MSRB3: variants seen among roughly 807,000 people sequenced by gnomAD.
The protein encoded by MSRB3 is methionine sulfoxide reductase B3.
A neutral mutation model predicts 21.0 loss-of-function variants in MSRB3; 13 were observed. The observed-to-expected ratio is 0.62, with a 90% confidence interval of 0.40 to 0.98. MSRB3 has a LOEUF of 0.98. Among genes scored for constraint, MSRB3 ranks in the 50% least tolerant of loss-of-function variants. The probability of loss-of-function intolerance (pLI) is 0.00; values close to 1 mark genes in which losing one functional copy is unlikely to be tolerated. For missense variants in MSRB3, 199 were observed against 230.3 expected (o/e 0.86, Z 0.88); for synonymous variants, 87 against 88.6 (o/e 0.98, Z 0.10).
At chr12:65,302,739 C>T (rs911096302) in intron 1 of MSRB3, among the ~76,000 whole-genome samples, 11 of 152,234 alleles carry the variant, frequency 7.2e-5, no homozygotes, top group African/African-American at 2.6e-4. Flanking sequence ...GATCAATTCA[C>T]TCAACAAACG....
intron 4 of MSRB3, among the ~76,000 whole-genome samples, chr12:65,339,470 G>A (rs1875999530): frequency 6.6e-6 from 1 of 152,186 alleles, no homozygotes; most frequent in South Asian, 2.1e-4. Context: ...TTTCTGTGGT[G>A]CAGATACTTC....
chr12:65,349,626 T>C (rs1433154887), intron 4 of MSRB3, among the ~76,000 whole-genome samples: 15 of 147,544 alleles, frequency 1.0e-4, no homozygotes, highest in South Asian at 2.1e-4. Context: ...TGGTATCTCA[T>C]TGTGGTTTTG....
chr12:65,418,801 A>C, intron 5 of MSRB3: 1 of 942,294 alleles, frequency 1.1e-6, no homozygotes, highest in Non-Finnish European at 1.7e-6. Flanking sequence ...GGTCTTTTGG[A>C]TGGTTTGCAT....
At chr12:65,328,479 G>T (rs1369081941) in intron 3 of MSRB3, 47 bp from the exon 4 acceptor site, 1 of 1,331,286 alleles carries the variant, frequency 7.5e-7, no homozygotes, top group Admixed American at 1.7e-5. Context: ...CATTCTGTAA[G>T]AAATAATGCT....
intron 4 of MSRB3, among the ~76,000 whole-genome samples, chr12:65,352,921 A>G (rs532309090): frequency 8.5e-5 from 13 of 152,124 alleles, no homozygotes; most frequent in African/African-American, 2.4e-4. Flanking sequence ...TGCCATCCCC[A>G]TAAAGCTACC....
rs181748557 is a variant in MSRB3, at chr12:65,363,182, A to G, written c.264-5816A>G. The stretch of plus-strand genomic sequence containing the variant: ...CCTCACTTCTCTGACACCTTCTGCA[A>G]TGCTAATTTCTGTACTTGATACTTA... On this transcript the variant is annotated intron_variant, in intron 4 of 6. Coordinates refer to ENST00000308259, the MANE Select transcript of MSRB3 (RefSeq NM_001031679.3). Among the ~76,000 whole-genome samples the G allele has an allele frequency of 5.9e-5, 9 of 152,336 alleles. No individual in the cohort carries two copies. In the East Asian group the frequency reaches 1.5e-3, roughly 26 times the overall value.
At chr12:65,325,767 A>G (rs1874983767) in intron 2 of MSRB3, among the ~76,000 whole-genome samples, 1 of 152,180 alleles carries the variant, frequency 6.6e-6, no homozygotes, top group African/African-American at 2.4e-5. Context: ...TACATTTAGG[A>G]CCATCTGCAG....
At chr12:65,357,276 C>T (rs998199621) in intron 4 of MSRB3, among the ~76,000 whole-genome samples, 1 of 151,902 alleles carries the variant, frequency 6.6e-6, no homozygotes, top group Admixed American at 6.6e-5. Context: ...GAGTCTGACT[C>T]CTCTTCATAT....
chr12:65,420,916 T>G (rs971271826), intron 5 of MSRB3, among the ~76,000 whole-genome samples: 2 of 152,212 alleles, frequency 1.3e-5, no homozygotes, highest in Non-Finnish European at 2.9e-5. Context: ...TTGTGAATAG[T>G]GCTGCAGTGA....
rs376019198 is a variant in MSRB3, at chr12:65,466,562, G to A, written c.*3240G>A. On this transcript the variant is annotated 3_prime_UTR_variant, in exon 7 of 7. Transcript: ENST00000308259. ...GTATAGCCTTACATTCAAGCAGAATGGATCTGAAGAAAGCAGCAATATCTG... is the reference window on the plus strand; with the variant it reads ...GTATAGCCTTACATTCAAGCAGAATAGATCTGAAGAAAGCAGCAATATCTG... 68 of 152,246 alleles carry A rather than the reference G, an allele frequency of 4.5e-4. No homozygotes were observed. Among genetic ancestry groups the A allele is most frequent in the African/African-American group, 1.4e-3 (57 of 41,556 alleles). 9.4% of individuals were successfully genotyped at this position (152,246 alleles called of 1,614,324 possible).
chr12:65,294,330 C>T (rs1348168200), intron 1 of MSRB3, among the ~76,000 whole-genome samples: 1 of 152,240 alleles, frequency 6.6e-6, no homozygotes, highest in African/African-American at 2.4e-5. Context: ...TCCTGAATCT[C>T]ACTAACTTGC....
At chr12:65,322,576 G>A (rs563445564) in intron 2 of MSRB3, among the ~76,000 whole-genome samples, 7 of 148,474 alleles carry the variant, frequency 4.7e-5, no homozygotes, top group African/African-American at 1.2e-4. Context: ...CAGGAGAATC[G>A]CTTGAATCCG....
chr12:65,295,110 G>A (rs1191767579), intron 1 of MSRB3, among the ~76,000 whole-genome samples: 2 of 152,184 alleles, frequency 1.3e-5, no homozygotes, highest in African/African-American at 4.8e-5. Context: ...GATTACAGGC[G>A]TGAGCCACTG....
intron 5 of MSRB3, among the ~76,000 whole-genome samples, chr12:65,402,405 G>T (rs1417447770): frequency 6.6e-6 from 1 of 151,956 alleles, no homozygotes; most frequent in Admixed American, 6.6e-5. Context: ...GATCGATTTG[G>T]CTATTGACAC....
intron 5 of MSRB3, among the ~76,000 whole-genome samples, chr12:65,423,058 G>A (rs1419907453): frequency 1.3e-5 from 2 of 151,438 alleles, no homozygotes; most frequent in Non-Finnish European, 2.9e-5. Flanking sequence ...TGCCACCTGG[G>A]TTCAAGTGAT....
chr12:65,418,342 G>A (rs1053190168), intron 5 of MSRB3, among the ~76,000 whole-genome samples: 2 of 151,922 alleles, frequency 1.3e-5, no homozygotes, highest in Non-Finnish European at 2.9e-5. Flanking sequence ...TTTTAAATTG[G>A]GTTATTTGTT....
chr12:65,316,890 A>T (rs1221145395), intron 2 of MSRB3, among the ~76,000 whole-genome samples: 1 of 152,074 alleles, frequency 6.6e-6, no homozygotes, highest in Non-Finnish European at 1.5e-5. Context: ...CTTCTGAAGG[A>T]TATTGAAGGA....
At chr12:65,371,328 C>CA (rs34453745) in intron 5 of MSRB3, among the ~76,000 whole-genome samples, 7,602 of 84,580 alleles carry the variant, frequency 0.09, 654 homozygotes, top group African/African-American at 0.2. Context: ...GACTCCATCT[C>CA]AAAAAAAAAA....
chr12:65,321,266 G>C (rs2136441686), intron 2 of MSRB3, among the ~76,000 whole-genome samples: 1 of 152,252 alleles, frequency 6.6e-6, no homozygotes, highest in Non-Finnish European at 1.5e-5. Flanking sequence ...CTCCAGGAAA[G>C]TATCCTAAGT....
Sources: allele counts gnomAD v4.1 joint callset (sites outside exome capture counted in the v4.1 genomes callset), GRCh38; gene constraint gnomAD v4.1.1; transcripts MANE v1.5; gene names NCBI Gene and HGNC (gene_info 2026-07-23, HGNC 2026-07-21).